Variants in FUT8 observed in about 807,000 individuals in gnomAD.
FUT8 encodes fucosyltransferase 8.
In FUT8, 29 loss-of-function variants were observed where a neutral mutation model predicts 71.3. The ratio of observed to expected loss-of-function variants is 0.41; its 90% confidence interval spans 0.30 to 0.55. The LOEUF is 0.55. Ranked by LOEUF, FUT8 falls within the 20% of genes least tolerant of loss-of-function variation. The probability of loss-of-function intolerance (pLI) is 0.34; values close to 1 mark genes in which losing one functional copy is unlikely to be tolerated. For missense variants in FUT8, 544 were observed against 702.1 expected (o/e 0.77, Z 2.55); for synonymous variants, 254 against 239.3 (o/e 1.06, Z -0.57).
At chr14:65,415,220 G>C (rs376551234) in intron 1 of FUT8, among the ~76,000 whole-genome samples, 9 of 152,240 alleles carry the variant, frequency 5.9e-5, no homozygotes, top group South Asian at 2.1e-4. Flanking sequence ...CTTAATAGCT[G>C]TTTGAACTTT....
At chr14:65,362,804 T>C in the FUT8 span, among the ~76,000 whole-genome samples, 2 of 149,508 alleles carry the variant, frequency 1.3e-5, no homozygotes, top group Non-Finnish European at 3.0e-5. Flanking sequence ...CTACTAAAAA[T>C]ACAAAAAATT....
intron 5 of FUT8, among the ~76,000 whole-genome samples, chr14:65,617,649 G>C (rs1889353014): frequency 6.6e-6 from 1 of 152,108 alleles, no homozygotes; most frequent in Non-Finnish European, 1.5e-5. Context: ...TTAATTTTAA[G>C]ATTTGAGTAA....
At chr14:65,508,067 C>CTT (rs71446303) in intron 2 of FUT8, among the ~76,000 whole-genome samples, 31 of 126,000 alleles carry the variant, frequency 2.5e-4, no homozygotes, top group African/African-American at 5.7e-4. Flanking sequence ...ATGTTAAACA[C>CTT]TTTTTTTTTT....
intron 2 of FUT8, among the ~76,000 whole-genome samples, chr14:65,495,652 C>A (rs1447103908): frequency 1.3e-5 from 2 of 152,038 alleles, no homozygotes; most frequent in Non-Finnish European, 2.9e-5. Context: ...TTGAGAGATA[C>A]CAGGTTAAAA....
chr14:65,673,115 C>T (rs1003787322), intron 7 of FUT8, among the ~76,000 whole-genome samples: 6 of 151,974 alleles, frequency 3.9e-5, no homozygotes, highest in East Asian at 1.9e-4. Context: ...TTTATAAATA[C>T]GATAAAGTTT....
chr14:65,434,761 G>A lies in FUT8; in HGVS notation c.-325-20860G>A, dbSNP rs1055989907. ...TATCTCCAGAGGATAACCATTTGTAGATCTGGTAGTGAAAAGCCCCCCCAC... is the reference window on the plus strand; with the variant it reads ...TATCTCCAGAGGATAACCATTTGTAAATCTGGTAGTGAAAAGCCCCCCCAC... On this transcript the variant is annotated intron_variant, in intron 1 of 10. Coordinates refer to ENST00000673929, the MANE Select transcript of FUT8 (RefSeq NM_001371533.1). Among the ~76,000 whole-genome samples the A allele has an allele frequency of 2.6e-5, 4 of 152,088 alleles. No individual in the cohort carries two copies. In the East Asian group the frequency reaches 7.7e-4, roughly 29 times the overall value.
At chr14:65,537,370 A>T (rs1435080327) in intron 2 of FUT8, among the ~76,000 whole-genome samples, 1 of 151,458 alleles carries the variant, frequency 6.6e-6, no homozygotes. Flanking sequence ...TACTATTATT[A>T]CTATGATTAT....
At chr14:65,554,001 C>A (rs964918463) in intron 2 of FUT8, among the ~76,000 whole-genome samples, 1 of 151,790 alleles carries the variant, frequency 6.6e-6, no homozygotes, top group Non-Finnish European at 1.5e-5. Context: ...CTTCTCTGTT[C>A]TTGTTTTCTT....
chr14:65,523,671 C>T (rs8010558), intron 2 of FUT8, among the ~76,000 whole-genome samples: 128,087 of 152,162 alleles, frequency 0.84, 54,059 homozygotes, highest in East Asian at 1. Flanking sequence ...TAAATGGTAT[C>T]GCCTAGGTTT....
At position 65,561,732 on chromosome 14, in the gene FUT8, A is replaced by C; in HGVS notation, c.169A>C (p.Asn57His). ...LAKLERLKQQ[N>H]EDLRRMAESL... ...AAAGCTTGAACGCTTAAAACAACAG[A>C]ATGAAGACTTGAGGCGAATGGCCGA... Residue 57 changes from asparagine (N) to histidine (H), a missense_variant, in exon 3 of 11, where the codon AAT becomes CAT. Physicochemically the swap from Asn to His is moderately conservative, Grantham distance 68 (BLOSUM62 1). Coordinates refer to ENST00000673929, the MANE Select transcript of FUT8 (RefSeq NM_001371533.1). The C allele has an allele frequency of 2.5e-6, 4 of 1,613,334 alleles. No homozygotes were observed. Among genetic ancestry groups the C allele is most frequent in the Non-Finnish European group, 3.4e-6 (4 of 1,179,474 alleles).
intron 8 of FUT8, among the ~76,000 whole-genome samples, chr14:65,723,203 T>TCA (rs1186235322): frequency 6.7e-6 from 1 of 149,682 alleles, no homozygotes; most frequent in East Asian, 2.0e-4. Flanking sequence ...CACATGCCTG[T>TCA]AGTACCAGCT....
chr14:65,450,472 CTT>C (rs1348260367), intron 1 of FUT8, among the ~76,000 whole-genome samples: 1 of 152,184 alleles, frequency 6.6e-6, no homozygotes, highest in Non-Finnish European at 1.5e-5. Flanking sequence ...TACAGCAGAT[CTT>C]GTAACGTTCG....
intron 6 of FUT8, among the ~76,000 whole-genome samples, chr14:65,634,365 A>C (rs543321955): frequency 6.6e-6 from 1 of 152,024 alleles, no homozygotes; most frequent in Admixed American, 6.5e-5. Context: ...CTTGAAGGCA[A>C]CATGCTCGTT....
chr14:65,485,462 C>T (rs1179273535), intron 2 of FUT8, among the ~76,000 whole-genome samples: 2 of 152,204 alleles, frequency 1.3e-5, no homozygotes, highest in Admixed American at 1.3e-4. Flanking sequence ...AGTTATTCCT[C>T]ACTACTGAGG....
the FUT8 span, among the ~76,000 whole-genome samples, chr14:65,388,189 G>C: frequency 6.6e-6 from 1 of 152,202 alleles, no homozygotes; most frequent in African/African-American, 2.4e-5. Flanking sequence ...ATTTAGGAGG[G>C]AAGATTTGTG....
At chr14:65,666,095 C>A (rs560032741) in intron 6 of FUT8, among the ~76,000 whole-genome samples, 2 of 151,348 alleles carry the variant, frequency 1.3e-5, no homozygotes, top group Admixed American at 1.3e-4. Context: ...AAAAAAAAAA[C>A]AAAATGCAAT....
At chr14:65,496,517 G>C (rs1467133604) in intron 2 of FUT8, among the ~76,000 whole-genome samples, 1 of 152,074 alleles carries the variant, frequency 6.6e-6, no homozygotes, top group African/African-American at 2.4e-5. Flanking sequence ...CCCCCATGCT[G>C]TTCTCATGTT....
chr14:65,623,814 T>C (rs893580710), intron 5 of FUT8, among the ~76,000 whole-genome samples: 2 of 152,222 alleles, frequency 1.3e-5, no homozygotes, highest in African/African-American at 2.4e-5. Flanking sequence ...TGCTGGTACC[T>C]TGCCTAGCTT....
chr14:65,377,798 T>G, the FUT8 span, among the ~76,000 whole-genome samples: 271 of 152,176 alleles, frequency 1.8e-3, 5 homozygotes, highest in East Asian at 0.034. Flanking sequence ...GCACATGACA[T>G]CAGGAGAACC....
Sources: gnomAD v4.1 joint callset for allele counts (sites outside exome capture counted in the v4.1 genomes callset) on GRCh38, gnomAD v4.1.1 for gene constraint, MANE v1.5 for transcripts, NCBI Gene and HGNC (gene_info 2026-07-23, HGNC 2026-07-21) for gene names.